The following DCC variants were observed in gnomAD, a reference collection of about 807,000 sequenced individuals.
DCC encodes the protein DCC netrin 1 receptor, also known as netrin receptor DCC.
DCC carries 58 observed loss-of-function variants against 172.5 expected under a neutral mutation model. The ratio of observed to expected loss-of-function variants is 0.34; its 90% CI spans 0.27 to 0.42. The LOEUF is 0.42. DCC is among the 10% of genes least tolerant of loss of function. DCC has a pLI of 1.00. For missense variants in DCC, 1,740 were observed against 1,791.0 expected, an observed-to-expected ratio of 0.97 and a Z score of 0.51; for synonymous variants, 709 against 644.5, an observed-to-expected ratio of 1.10 and a Z score of -1.52.
chr18:53,493,433 T>G (rs987235773), intron 26 of DCC, among the ~76,000 whole-genome samples: 1 of 152,228 alleles, frequency 6.6e-6, no homozygotes, highest in Non-Finnish European at 1.5e-5. Flanking sequence ...TTCCAGTTTT[T>G]GCCCATTCAG....
intron 12 of DCC, among the ~76,000 whole-genome samples, chr18:53,275,518 C>T (rs2056794919): frequency 6.6e-6 from 1 of 152,058 alleles, no homozygotes; most frequent in Non-Finnish European, 1.5e-5. Flanking sequence ...ACATTTTTTG[C>T]TGGCTTCCTT....
At chr18:52,532,153 C>A (rs1194982034) in intron 1 of DCC, among the ~76,000 whole-genome samples, 1 of 152,042 alleles carries the variant, frequency 6.6e-6, no homozygotes, top group Non-Finnish European at 1.5e-5. Context: ...AGAACTTATT[C>A]TAAATTGAAA....
In DCC at chr18:53,489,435, G is replaced by A. The variant is rs148577275; in HGVS notation, c.3898+2477G>A. 1.8e-4 allele frequency among the ~76,000 whole-genome samples: 28 copies of A among 152,114 alleles called. No homozygotes were observed. In the South Asian group the frequency reaches 2.5e-3, roughly 14 times the overall value. On this transcript the variant is annotated intron_variant, in intron 26 of 28. Coordinates refer to ENST00000442544, the MANE Select transcript of DCC (RefSeq NM_005215.4). ...ACAATTAACTAACTTCCCATTTCCC[G>A]TCATTCCCTATTGGTTTCTAAATGC...
At chr18:53,136,175 C>A (rs1480120561) in intron 7 of DCC, among the ~76,000 whole-genome samples, 2 of 122,382 alleles carry the variant, frequency 1.6e-5, no homozygotes, top group African/African-American at 5.3e-5. Flanking sequence ...TGGGTATATT[C>A]TTTATGGGCA....
At chr18:53,214,620 G>A (rs2055816409) in intron 11 of DCC, among the ~76,000 whole-genome samples, 1 of 152,052 alleles carries the variant, frequency 6.6e-6, no homozygotes, top group Admixed American at 6.6e-5. Flanking sequence ...CTATTTGTGA[G>A]GAACAAGGAT....
intron 9 of DCC, among the ~76,000 whole-genome samples, chr18:53,190,938 C>G (rs1390542363): frequency 6.6e-6 from 1 of 152,134 alleles, no homozygotes; most frequent in African/African-American, 2.4e-5. Context: ...AGAGCGGACT[C>G]CGTCTTAAGA....
intron 1 of DCC, among the ~76,000 whole-genome samples, chr18:52,609,313 T>A (rs1443873880): frequency 6.6e-6 from 1 of 152,084 alleles, no homozygotes; most frequent in Non-Finnish European, 1.5e-5. Flanking sequence ...AATTTAGTTG[T>A]GTTGACAATT....
intron 8 of DCC, among the ~76,000 whole-genome samples, chr18:53,161,034 A>C (rs1353370947): frequency 1.3e-5 from 2 of 152,202 alleles, no homozygotes; most frequent in Non-Finnish European, 2.9e-5. Context: ...GGTGAATTAC[A>C]CCTATCAGCA....
In DCC at chr18:52,893,166, C is replaced by A. The variant is rs369164983; in HGVS notation, c.413-12878C>A. ...AAAACTTGTTTCATTTAGGCTTCTCCTTTTTTTTGTCTCTCTCTAAAGATT... is the reference window on the plus strand; with the variant it reads ...AAAACTTGTTTCATTTAGGCTTCTCATTTTTTTTGTCTCTCTCTAAAGATT... On this transcript the variant is annotated intron_variant, in intron 2 of 28. Coordinates refer to ENST00000442544, the MANE Select transcript of DCC (RefSeq NM_005215.4). Among the ~76,000 whole-genome samples the A allele has an allele frequency of 3.1e-4, 47 of 151,836 alleles. 1 individual carries two copies. Among genetic ancestry groups the A allele is most frequent in the East Asian group, 9.7e-4 (5 of 5,170 alleles).
intron 1 of DCC, among the ~76,000 whole-genome samples, chr18:52,597,353 G>C (rs935407725): frequency 6.6e-6 from 1 of 152,136 alleles, no homozygotes; most frequent in African/African-American, 2.4e-5. Context: ...ATTTCCACTA[G>C]CCTGCCCAAC....
chr18:52,555,736 A>C (rs1425579133), intron 1 of DCC, among the ~76,000 whole-genome samples: 2 of 152,140 alleles, frequency 1.3e-5, no homozygotes, highest in African/African-American at 4.8e-5. Context: ...TTATTATTTA[A>C]TTATATCAAA....
chr18:53,000,975 G>A (rs532735565), intron 5 of DCC, among the ~76,000 whole-genome samples: 159 of 151,950 alleles, frequency 1.0e-3, no homozygotes, highest in Non-Finnish European at 1.6e-3. Context: ...TGTGATAGGC[G>A]TGAGGATGTG....
chr18:53,011,801 C>A (rs963324611), intron 5 of DCC, among the ~76,000 whole-genome samples: 1 of 151,550 alleles, frequency 6.6e-6, no homozygotes. Context: ...TTCATATTAA[C>A]CTATATGGCA....
intron 1 of DCC, among the ~76,000 whole-genome samples, chr18:52,463,439 T>C (rs1988692309): frequency 6.6e-6 from 1 of 152,174 alleles, no homozygotes; most frequent in African/African-American, 2.4e-5. Flanking sequence ...GCCACAATAA[T>C]TGTATGTATG....
At chr18:53,058,453 C>A (rs8094770) in intron 5 of DCC, among the ~76,000 whole-genome samples, 15,517 of 152,006 alleles carry the variant, frequency 0.1, 926 homozygotes, top group Non-Finnish European at 0.13. Context: ...CTTCCCATTA[C>A]CCTTTAATTA....
At chr18:52,370,394 C>A (rs1985063840) in intron 1 of DCC, among the ~76,000 whole-genome samples, 1 of 152,036 alleles carries the variant, frequency 6.6e-6, no homozygotes, top group Admixed American at 6.6e-5. Context: ...ATAAAAGGAA[C>A]AAGATCATGT....
chr18:52,690,530 C>T (rs2035915013), intron 1 of DCC, among the ~76,000 whole-genome samples: 1 of 152,010 alleles, frequency 6.6e-6, no homozygotes, highest in Non-Finnish European at 1.5e-5. Flanking sequence ...GTAATTACAA[C>T]AACAATAATA....
At chr18:52,642,479 T>A (rs2034928856) in intron 1 of DCC, among the ~76,000 whole-genome samples, 1 of 152,060 alleles carries the variant, frequency 6.6e-6, no homozygotes, top group Non-Finnish European at 1.5e-5. Context: ...GAAATAAAAA[T>A]GTTGTTTTTA....
At chr18:52,651,446 G>T (rs1245532982) in intron 1 of DCC, among the ~76,000 whole-genome samples, 1 of 150,232 alleles carries the variant, frequency 6.7e-6, no homozygotes, top group Admixed American at 6.6e-5. Context: ...TCCTCCCAAA[G>T]TGCTGGAATT....
Sources: gnomAD v4.1 joint callset for allele counts (sites outside exome capture counted in the v4.1 genomes callset) on GRCh38, gnomAD v4.1.1 for gene constraint, MANE v1.5 for transcripts, NCBI Gene and HGNC (gene_info 2026-07-23, HGNC 2026-07-21) for gene names.